Variants in THSD7B observed in about 807,000 individuals in gnomAD.
THSD7B encodes thrombospondin type-1 domain-containing protein 7B.
In THSD7B, 138 loss-of-function variants were observed where a neutral mutation model predicts 213.6. The ratio of observed to expected loss-of-function variants is 0.65; its 90% CI spans 0.56 to 0.74. The LOEUF is 0.74. Ranked by LOEUF, THSD7B falls within the 30% of genes least tolerant of loss-of-function variation. The probability of loss-of-function intolerance (pLI) is 0.00; values close to 1 mark genes in which losing one functional copy is unlikely to be tolerated. For missense variants in THSD7B, 1,931 were observed against 1,991.5 expected (o/e 0.97, Z 0.58); for synonymous variants, 742 against 687.0 (o/e 1.08, Z -1.25).
rs1352274279 is a variant in THSD7B, at chr2:137,411,590, A to G, written c.2696-19A>G. On this transcript the variant is annotated intron_variant, in intron 13 of 27. Coordinates refer to ENST00000409968, the MANE Select transcript of THSD7B (RefSeq NM_001316349.2). Reference sequence around the variant, plus strand: ...CAGCAGATAAGCATTTAATATCTTAATGTCTCTTGTTGGAACAGGGAAAAG... The same window carrying G: ...CAGCAGATAAGCATTTAATATCTTAGTGTCTCTTGTTGGAACAGGGAAAAG... 8 of 1,593,894 alleles carry G rather than the reference A, an allele frequency of 5.0e-6. No homozygotes were observed. The highest frequency in any genetic ancestry group is 2.3e-5 in the South Asian group (2 of 88,588).
At chr2:137,304,502 T>G (rs1194465373) in intron 12 of THSD7B, among the ~76,000 whole-genome samples, 2 of 152,084 alleles carry the variant, frequency 1.3e-5, no homozygotes, top group Non-Finnish European at 2.9e-5. Flanking sequence ...TTTCTATTAG[T>G]GAAAAAAGAC....
At chr2:136,798,616 G>T (rs1288896798) in intron 1 of THSD7B, among the ~76,000 whole-genome samples, 2 of 151,886 alleles carry the variant, frequency 1.3e-5, no homozygotes, top group Non-Finnish European at 2.9e-5. Context: ...TACTGTCTCA[G>T]GTCAGGGACC....
intron 7 of THSD7B, among the ~76,000 whole-genome samples, chr2:137,194,399 G>A (rs143817681): frequency 2.0e-5 from 3 of 152,272 alleles, no homozygotes; most frequent in East Asian, 1.9e-4. Context: ...AGCCCCTCCT[G>A]GGAAGTGACT....
At chr2:137,454,035 A>G (rs1687709714) in intron 15 of THSD7B, among the ~76,000 whole-genome samples, 1 of 152,216 alleles carries the variant, frequency 6.6e-6, no homozygotes. Context: ...GGTTGATTCC[A>G]TAACTTGGCT....
At chr2:137,439,883 C>T (rs925211544) in intron 14 of THSD7B, among the ~76,000 whole-genome samples, 5 of 151,978 alleles carry the variant, frequency 3.3e-5, no homozygotes, top group African/African-American at 7.3e-5. Flanking sequence ...TCTGGATAAC[C>T]GCACAGTCAG....
chr2:136,890,394 C>CTT (rs1558840032), intron 2 of THSD7B, among the ~76,000 whole-genome samples: 7 of 1,216 alleles, frequency 5.8e-3, no homozygotes, highest in African/African-American at 0.012. Context: ...TCTTCCTCTT[C>CTT]CTCTTCCTCT....
intron 12 of THSD7B, among the ~76,000 whole-genome samples, chr2:137,364,315 T>C (rs1685351423): frequency 6.6e-6 from 1 of 152,194 alleles, no homozygotes; most frequent in Non-Finnish European, 1.5e-5. Context: ...ACTGGAAGCA[T>C]TCCCTTTGAA....
chr2:136,812,471 A>C (rs189384303), intron 1 of THSD7B, among the ~76,000 whole-genome samples: 1 of 152,328 alleles, frequency 6.6e-6, no homozygotes, highest in African/African-American at 2.4e-5. Context: ...ATAAGACTGT[A>C]GTGAGGTAGT....
At chr2:136,939,496 C>T (rs1051403368) in intron 2 of THSD7B, among the ~76,000 whole-genome samples, 14 of 152,088 alleles carry the variant, frequency 9.2e-5, no homozygotes, top group African/African-American at 3.4e-4. Flanking sequence ...CACCTTATGC[C>T]CCATGATTTT....
At chr2:137,672,872 GC>G (rs1259080551) in intron 27 of THSD7B, among the ~76,000 whole-genome samples, 2 of 152,144 alleles carry the variant, frequency 1.3e-5, no homozygotes, top group African/African-American at 4.8e-5. Flanking sequence ...TATTATTGAT[GC>G]CCCTTCTCCT....
At chr2:136,791,407 C>T (rs1452840118) in intron 1 of THSD7B, among the ~76,000 whole-genome samples, 3 of 151,788 alleles carry the variant, frequency 2.0e-5, no homozygotes, top group East Asian at 1.9e-4. Flanking sequence ...CCATTTAAAA[C>T]GTACAATACA....
At chr2:137,162,883 C>G (rs1027582645) in intron 6 of THSD7B, among the ~76,000 whole-genome samples, 3 of 152,108 alleles carry the variant, frequency 2.0e-5, no homozygotes, top group African/African-American at 7.2e-5. Flanking sequence ...CCTCAGCCTC[C>G]CGAGTAGCTG....
At chr2:136,774,181 G>C (rs1449071954) in intron 1 of THSD7B, among the ~76,000 whole-genome samples, 2 of 151,948 alleles carry the variant, frequency 1.3e-5, no homozygotes, top group Non-Finnish European at 2.9e-5. Flanking sequence ...CACATGAAAT[G>C]GGCATAGCCT....
At chr2:137,593,652 T>C (rs1259080284) in intron 17 of THSD7B, among the ~76,000 whole-genome samples, 1 of 152,008 alleles carries the variant, frequency 6.6e-6, no homozygotes, top group Non-Finnish European at 1.5e-5. Context: ...AAATAAGTTA[T>C]TTGTATATTC....
intron 15 of THSD7B, among the ~76,000 whole-genome samples, chr2:137,492,794 A>G (rs1679450798): frequency 6.6e-6 from 1 of 152,162 alleles, no homozygotes; most frequent in African/African-American, 2.4e-5. Flanking sequence ...TTAAAACATG[A>G]TACAATTTCA....
intron 1 of THSD7B, among the ~76,000 whole-genome samples, chr2:136,846,713 A>C (rs1467604563): frequency 6.6e-6 from 1 of 152,192 alleles, no homozygotes. Context: ...ATTCAGCAGG[A>C]ATATGACCAG....
chr2:137,341,091 G>C (rs10174971), intron 12 of THSD7B, among the ~76,000 whole-genome samples: 23,849 of 146,552 alleles, frequency 0.16, 2,069 homozygotes, highest in South Asian at 0.27. Context: ...CCCTTTTCTC[G>C]ACATCCTTGC....
Position 137,231,177 on chromosome 2 carries a change from T to C in THSD7B, c.1857T>C (p.Asn619=). The C allele has an allele frequency of 6.2e-7, 1 of 1,613,416 alleles. No homozygotes were observed. Among genetic ancestry groups the C allele is most frequent in the Non-Finnish European group, 8.5e-7 (1 of 1,179,622 alleles). The change falls in exon 8 of 28, where the codon AAT becomes AAC. Residue 619 remains asparagine, a synonymous_variant. Coordinates refer to ENST00000409968, the MANE Select transcript of THSD7B (RefSeq NM_001316349.2). ...EWSSCSQSCS[N]KNSDGKQTRS... is the part of the protein sequence containing the mutation. ...CATCCTGTTCCCAGTCCTGTTCAAA[T>C]AAAAACTCAGATGGGAAACAGACCA...
intron 2 of THSD7B, among the ~76,000 whole-genome samples, chr2:136,980,777 G>C (rs1428249572): frequency 2.6e-5 from 4 of 152,284 alleles, no homozygotes; most frequent in East Asian, 3.9e-4. Flanking sequence ...GGTATCTTCT[G>C]ATCTGAGGGT....
Sources: gnomAD v4.1 joint callset for allele counts (sites outside exome capture counted in the v4.1 genomes callset) on GRCh38, gnomAD v4.1.1 for gene constraint, MANE v1.5 for transcripts, NCBI Gene and HGNC (gene_info 2026-07-23, HGNC 2026-07-21) for gene names.